MDFIC2: variants seen among roughly 807,000 people sequenced by gnomAD.
MDFIC2 encodes the protein MyoD family inhibitor domain containing 2, also known as myoD family inhibitor domain-containing protein 2.
At chr3:70,221,728 A>G (rs1701462193) in intron 2 of MDFIC2, among the ~76,000 whole-genome samples, 1 of 152,144 alleles carries the variant, frequency 6.6e-6, no homozygotes, top group Non-Finnish European at 1.5e-5. Context: ...TAGATCTTGG[A>G]TGATAAGGAA....
intron 2 of MDFIC2, among the ~76,000 whole-genome samples, chr3:70,244,938 T>C (rs1483230956): frequency 6.6e-6 from 1 of 152,166 alleles, no homozygotes; most frequent in Non-Finnish European, 1.5e-5. Context: ...ATTCTGAATA[T>C]TCCCCCAAAT....
intron 2 of MDFIC2, among the ~76,000 whole-genome samples, chr3:70,268,448 C>G (rs1269067208): frequency 7.5e-6 from 1 of 133,352 alleles, no homozygotes; most frequent in Non-Finnish European, 1.5e-5. Flanking sequence ...GCACTCCAGC[C>G]TGGGCAACAG....
intron 2 of MDFIC2, among the ~76,000 whole-genome samples, chr3:70,255,080 C>T (rs1172081524): frequency 6.6e-6 from 1 of 152,048 alleles, no homozygotes; most frequent in Admixed American, 6.6e-5. Flanking sequence ...GCAGGTAAAA[C>T]CTGTGGAACA....
At chr3:70,265,065 A>G (rs1021687671) in intron 2 of MDFIC2, among the ~76,000 whole-genome samples, 2 of 152,276 alleles carry the variant, frequency 1.3e-5, no homozygotes, top group East Asian at 3.9e-4. Context: ...TATCACAAGA[A>G]CAGCGCAGGA....
At chr3:70,234,407 G>C (rs1429124325) in intron 2 of MDFIC2, among the ~76,000 whole-genome samples, 1 of 152,136 alleles carries the variant, frequency 6.6e-6, no homozygotes, top group Non-Finnish European at 1.5e-5. Flanking sequence ...CTAGCACTTT[G>C]GGAAGCTGAG....
intron 2 of MDFIC2, among the ~76,000 whole-genome samples, chr3:70,243,611 G>T (rs1253662508): frequency 6.6e-6 from 1 of 152,162 alleles, no homozygotes; most frequent in Non-Finnish European, 1.5e-5. Context: ...GCTGTGCTAT[G>T]CATTCTGGGT....
chr3:70,211,895 G>GTCCTT (rs138398263), intron 2 of MDFIC2, among the ~76,000 whole-genome samples: 8,355 of 132,154 alleles, frequency 0.063, 273 homozygotes, highest in South Asian at 0.11. Flanking sequence ...CCTTCCCTTT[G>GTCCTT]TCCTTTCCTT....
chr3:70,302,280 T>C (rs4546117), intron 2 of MDFIC2, among the ~76,000 whole-genome samples: 31,827 of 151,998 alleles, frequency 0.21, 3,546 homozygotes, highest in South Asian at 0.28. Flanking sequence ...TTACTAATGG[T>C]CTGGTGAACA....
At chr3:70,309,679 A>C (rs1402349505) in intron 2 of MDFIC2, among the ~76,000 whole-genome samples, 2 of 152,126 alleles carry the variant, frequency 1.3e-5, no homozygotes. Flanking sequence ...TTTTCTTAAC[A>C]TTGAAAAAAA....
intron 2 of MDFIC2, among the ~76,000 whole-genome samples, chr3:70,305,352 ATAAT>A (rs1457661533): frequency 3.3e-5 from 5 of 152,162 alleles, no homozygotes; most frequent in African/African-American, 1.2e-4. Flanking sequence ...ATAAGAGCTA[ATAAT>A]TCCATTACCT....
intron 2 of MDFIC2, among the ~76,000 whole-genome samples, chr3:70,219,099 G>A (rs1475044459): frequency 6.6e-6 from 1 of 152,084 alleles, no homozygotes; most frequent in African/African-American, 2.4e-5. Flanking sequence ...TATAGTCAAG[G>A]CTTTCAAGTT....
At chr3:70,275,482 T>G (rs1702015234) in intron 2 of MDFIC2, among the ~76,000 whole-genome samples, 1 of 152,122 alleles carries the variant, frequency 6.6e-6, no homozygotes, top group Non-Finnish European at 1.5e-5. Context: ...GCCACTGCAT[T>G]CCAGAGCCTA....
intron 2 of MDFIC2, among the ~76,000 whole-genome samples, chr3:70,270,163 C>T (rs906019450): frequency 3.3e-5 from 5 of 151,992 alleles, no homozygotes; most frequent in South Asian, 2.1e-4. Flanking sequence ...ATTTGGAATA[C>T]GTAGACAAGT....
chr3:70,304,819 T>C (rs1361230168), intron 2 of MDFIC2, among the ~76,000 whole-genome samples: 1 of 152,142 alleles, frequency 6.6e-6, no homozygotes, highest in Non-Finnish European at 1.5e-5. Context: ...GCGAAAAAAA[T>C]ATCCAGATTC....
chr3:70,210,441 C>A (rs1296730813), intron 2 of MDFIC2, among the ~76,000 whole-genome samples: 1 of 152,080 alleles, frequency 6.6e-6, no homozygotes, highest in Non-Finnish European at 1.5e-5. Flanking sequence ...ATTCTGACAT[C>A]TGAAGTGAGT....
intron 2 of MDFIC2, among the ~76,000 whole-genome samples, chr3:70,290,440 G>C (rs1183324328): frequency 6.6e-6 from 1 of 152,176 alleles, no homozygotes; most frequent in Non-Finnish European, 1.5e-5. Context: ...GCTGCGTACT[G>C]GGAGAACCAC....
intron 2 of MDFIC2, among the ~76,000 whole-genome samples, chr3:70,273,437 A>G (rs1701993906): frequency 6.6e-6 from 1 of 152,198 alleles, no homozygotes; most frequent in Admixed American, 6.5e-5. Context: ...TCTCTCCAGG[A>G]GTATTTTGGG....
chr3:70,273,806 T>C (rs949397805), intron 2 of MDFIC2, among the ~76,000 whole-genome samples: 1 of 152,116 alleles, frequency 6.6e-6, no homozygotes, highest in East Asian at 1.9e-4. Context: ...TTTTTCTCTT[T>C]TGTTTTGTTT....
chr3:70,199,297 A>G (rs1165842724), intron 3 of MDFIC2, among the ~76,000 whole-genome samples: 2 of 152,086 alleles, frequency 1.3e-5, no homozygotes, highest in Admixed American at 6.5e-5. Flanking sequence ...TTTTGGTTCA[A>G]TTGCTCTTGC....
Sources: gnomAD v4.1 joint callset for allele counts (sites outside exome capture counted in the v4.1 genomes callset) on GRCh38, gnomAD v4.1.1 for gene constraint, MANE v1.5 for transcripts, NCBI Gene and HGNC (gene_info 2026-07-23, HGNC 2026-07-21) for gene names.